Variants in TENM3 observed in about 807,000 individuals in gnomAD.
The protein encoded by TENM3 is teneurin-3.
A neutral mutation model predicts 255.1 loss-of-function variants in TENM3; 63 were observed. That is an observed-to-expected ratio of 0.25 (90% CI 0.20 to 0.30). TENM3 has a LOEUF of 0.30. Ranked by LOEUF, TENM3 falls within the 10% of genes least tolerant of loss-of-function variation. The pLI is 1.00. For synonymous variants in TENM3, 1,306 were observed against 1,322.3 expected, an observed-to-expected ratio of 0.99 and a Z score of 0.27; for missense variants, 2,929 against 3,461.1, an observed-to-expected ratio of 0.85 and a Z score of 3.86.
the TENM3 span, among the ~76,000 whole-genome samples, chr4:181,725,420 C>CT: frequency 0.6 from 79,516 of 133,528 alleles, 23,622 homozygotes; most frequent in East Asian, 0.73. Flanking sequence ...CTTTTTCTTT[C>CT]TTTTTTTTTT....
chr4:182,674,712 A>G (rs1173820451), intron 7 of TENM3, among the ~76,000 whole-genome samples: 1 of 151,942 alleles, frequency 6.6e-6, no homozygotes, highest in Non-Finnish European at 1.5e-5. Context: ...GGTAGCTGGG[A>G]CTACAGATGC....
At chr4:182,121,151 C>A in the TENM3 span, among the ~76,000 whole-genome samples, 1 of 151,930 alleles carries the variant, frequency 6.6e-6, no homozygotes, top group East Asian at 1.9e-4. Flanking sequence ...GGCGCCCACA[C>A]GACACCCGGC....
chr4:182,779,387 CTCA>C (rs1213526207), intron 24 of TENM3, among the ~76,000 whole-genome samples: 3 of 152,122 alleles, frequency 2.0e-5, no homozygotes, highest in Non-Finnish European at 4.4e-5. Flanking sequence ...AGGACATGAA[CTCA>C]TCATTTTTTA....
At chr4:182,010,200 G>A in the TENM3 span, among the ~76,000 whole-genome samples, 1 of 152,110 alleles carries the variant, frequency 6.6e-6, no homozygotes. Flanking sequence ...ATTTATACAA[G>A]TATAATGAAG....
chr4:182,334,363 G>A (rs1374655175), intron 2 of TENM3, among the ~76,000 whole-genome samples: 1 of 152,148 alleles, frequency 6.6e-6, no homozygotes, highest in African/African-American at 2.4e-5. Context: ...CCAAATTAAT[G>A]CATAGAAGTT....
chr4:181,498,173 C>A, the TENM3 span, among the ~76,000 whole-genome samples: 3 of 152,088 alleles, frequency 2.0e-5, no homozygotes, highest in Non-Finnish European at 4.4e-5. Flanking sequence ...TAGTCCTCAA[C>A]CTACAGCCTT....
At chr4:182,268,683 T>G (rs891149128) in intron 1 of TENM3, among the ~76,000 whole-genome samples, 1 of 152,144 alleles carries the variant, frequency 6.6e-6, no homozygotes, top group Non-Finnish European at 1.5e-5. Context: ...ACCAAGATGA[T>G]GACAAGAGTG....
chr4:182,308,474 C>T (rs1223334993), intron 1 of TENM3, among the ~76,000 whole-genome samples: 6 of 151,836 alleles, frequency 4.0e-5, no homozygotes, highest in Non-Finnish European at 8.8e-5. Flanking sequence ...TATGTGCCAC[C>T]GTGACTGGCT....
At chr4:182,407,420 G>A (rs1167205039) in intron 3 of TENM3, among the ~76,000 whole-genome samples, 1 of 152,182 alleles carries the variant, frequency 6.6e-6, no homozygotes, top group Non-Finnish European at 1.5e-5. Flanking sequence ...ATAGGGAAGT[G>A]TGACCCTTGA....
intron 19 of TENM3, among the ~76,000 whole-genome samples, chr4:182,750,540 A>G (rs550768214): frequency 1.6e-4 from 24 of 152,360 alleles, no homozygotes; most frequent in African/African-American, 4.6e-4. Flanking sequence ...ACGGAAAATC[A>G]TCAAGTAGTG....
the TENM3 span, among the ~76,000 whole-genome samples, chr4:181,574,533 G>A: frequency 6.8e-6 from 1 of 147,284 alleles, no homozygotes; most frequent in African/African-American, 2.5e-5. Flanking sequence ...GCGAGACTCC[G>A]TCTCAAAAAA....
chr4:182,426,190 A>G (rs374919829), intron 3 of TENM3, among the ~76,000 whole-genome samples: 247 of 152,252 alleles, frequency 1.6e-3, no homozygotes, highest in Middle Eastern at 0.014. Context: ...GCTCTTGTGG[A>G]TACTGTGCAA....
the TENM3 span, among the ~76,000 whole-genome samples, chr4:181,464,122 A>G: frequency 1.3e-5 from 2 of 152,224 alleles, no homozygotes; most frequent in African/African-American, 4.8e-5. Flanking sequence ...TTTGTGTACA[A>G]ATTTTTGTGT....
chr4:181,810,479 G>T, the TENM3 span, among the ~76,000 whole-genome samples: 1 of 151,928 alleles, frequency 6.6e-6, no homozygotes, highest in Non-Finnish European at 1.5e-5. Flanking sequence ...TTTCTGCTTG[G>T]GGGGTAGTGA....
At chr4:181,985,859 C>T in the TENM3 span, among the ~76,000 whole-genome samples, 5 of 152,052 alleles carry the variant, frequency 3.3e-5, no homozygotes, top group Non-Finnish European at 5.9e-5. Context: ...ACTTTTGTCA[C>T]GGCACTTCTA....
At chr4:182,681,278 A>G (rs1036838533) in intron 10 of TENM3, among the ~76,000 whole-genome samples, 4 of 152,226 alleles carry the variant, frequency 2.6e-5, no homozygotes, top group Non-Finnish European at 5.9e-5. Context: ...TGATCTGCAC[A>G]CACAAAGTAA....
At chr4:181,565,235 G>A in the TENM3 span, among the ~76,000 whole-genome samples, 1 of 152,180 alleles carries the variant, frequency 6.6e-6, no homozygotes, top group African/African-American at 2.4e-5. Context: ...GCAAACTGCA[G>A]GATAGGAGAG....
intron 3 of TENM3, among the ~76,000 whole-genome samples, chr4:182,532,694 AAG>A (rs1739898455): frequency 6.6e-6 from 1 of 152,212 alleles, no homozygotes; most frequent in Non-Finnish European, 1.5e-5. Context: ...AGTGACCAGA[AAG>A]AGTTAATAAT....
At chr4:181,532,250 C>T in the TENM3 span, among the ~76,000 whole-genome samples, 1 of 152,046 alleles carries the variant, frequency 6.6e-6, no homozygotes, top group South Asian at 2.1e-4. Flanking sequence ...TGGAGGAGGG[C>T]AAAATTGGGC....
Sources: allele counts gnomAD v4.1 joint callset (sites outside exome capture counted in the v4.1 genomes callset), GRCh38; gene constraint gnomAD v4.1.1; transcripts MANE v1.5; gene names NCBI Gene and HGNC (gene_info 2026-07-23, HGNC 2026-07-21).